MRPL13: variants seen among roughly 807,000 people sequenced by gnomAD.
MRPL13 encodes mitochondrial ribosomal protein L13, also known as large ribosomal subunit protein uL13m.
MRPL13 carries 33 observed loss-of-function variants against 29.0 expected under a neutral mutation model. The ratio of observed to expected loss-of-function variants is 1.14; its 90% CI spans 0.86 to 1.52. The LOEUF (loss-of-function observed/expected upper bound fraction) is 1.52. Among genes scored for constraint, MRPL13 ranks in the 40% most tolerant of loss-of-function variants. The pLI is 0.00. For missense variants in MRPL13, 227 were observed against 216.7 expected (o/e 1.05, Z -0.30); for synonymous variants, 77 against 68.4 (o/e 1.13, Z -0.62).
chr8:120,406,032 TA>T (rs1460632520), intron 6 of MRPL13, among the ~76,000 whole-genome samples: 1 of 152,180 alleles, frequency 6.6e-6, no homozygotes, highest in African/African-American at 2.4e-5. Flanking sequence ...TATGTAGTTT[TA>T]AAATGTGCGT....
chr8:120,403,148 G>A (rs1176699108), intron 6 of MRPL13, among the ~76,000 whole-genome samples: 1 of 152,124 alleles, frequency 6.6e-6, no homozygotes, highest in Non-Finnish European at 1.5e-5. Context: ...CCATTTCTGG[G>A]TATATACCCA....
rs1019410680 is a variant in MRPL13 at position 120,443,139 on chromosome 8, G to T, written c.151+46C>A. 2.1e-6 allele frequency: 3 copies of T among 1,427,480 alleles called. No individual in the cohort carries two copies. The African/African-American group carries it at 4.4e-5, about 21-fold the overall frequency. The allele number at this position is 1,427,480 out of a possible 1,614,324, so 88.4% of individuals were successfully genotyped here. On this transcript the variant is annotated intron_variant, in intron 2 of 6. Coordinates refer to ENST00000306185, the MANE Select transcript of MRPL13 (RefSeq NM_014078.6). ...TAAACTTCATCAAGATTCTATTCTGGCATGAAAACTACAGTGGTTAATGAC... is the reference window on the plus strand; with the variant it reads ...TAAACTTCATCAAGATTCTATTCTGTCATGAAAACTACAGTGGTTAATGAC...
intron 6 of MRPL13, among the ~76,000 whole-genome samples, chr8:120,409,900 A>G (rs1812722007): frequency 6.6e-6 from 1 of 152,186 alleles, no homozygotes; most frequent in South Asian, 2.1e-4. Context: ...AACTAGCAAA[A>G]GAAAACCTAA....
intron 3 of MRPL13, among the ~76,000 whole-genome samples, chr8:120,429,493 TA>T (rs940541700): frequency 6.7e-4 from 87 of 129,224 alleles, no homozygotes; most frequent in African/African-American, 5.4e-4. Flanking sequence ...ACTTAAAAGT[TA>T]AAAAAAAAAA....
At position 120,443,285 on chromosome 8, in the gene MRPL13, T is replaced by C. The variant is rs758975894; in HGVS notation, c.51A>G (p.Ile17Met). The C allele has an allele frequency of 6.3e-7, 1 of 1,580,874 alleles. No individual in the cohort carries two copies. Among genetic ancestry groups the C allele is most frequent in the South Asian group, 1.2e-5 (1 of 86,240 alleles). ...APQQWATFAR[I>M]WYLLDGKMQP... ...GCATTTTCCCATCTAAGAGATACCATATTCTAGCAAAAGTGGCCCATTGCT... is the reference window on the plus strand; with the variant it reads ...GCATTTTCCCATCTAAGAGATACCACATTCTAGCAAAAGTGGCCCATTGCT... Residue 17 changes from isoleucine to methionine, a missense_variant, in exon 2 of 7, where the codon ATA becomes ATG. Transcript: ENST00000306185.
At chr8:120,416,485 C>T (rs1046647051) in intron 5 of MRPL13, among the ~76,000 whole-genome samples, 1 of 152,060 alleles carries the variant, frequency 6.6e-6, no homozygotes, top group Non-Finnish European at 1.5e-5. Context: ...CAGAGCGAGA[C>T]TCCGTCTCAA....
chr8:120,410,617 C>T (rs945381030), intron 6 of MRPL13, among the ~76,000 whole-genome samples: 3 of 152,126 alleles, frequency 2.0e-5, no homozygotes, highest in Admixed American at 6.5e-5. Context: ...TTCACTAACA[C>T]GTAATTTTAT....
intron 3 of MRPL13, 121 bp from the exon 4 acceptor site, chr8:120,425,487 T>C (rs1242781804): frequency 6.2e-6 from 4 of 643,110 alleles, no homozygotes; most frequent in Non-Finnish European, 1.0e-5. Flanking sequence ...TTTTCATTAG[T>C]GTTTTCAAAA....
chr8:120,432,825 T>C (rs1333513131), intron 2 of MRPL13, among the ~76,000 whole-genome samples: 1 of 152,068 alleles, frequency 6.6e-6, no homozygotes, highest in Non-Finnish European at 1.5e-5. Context: ...AAAGTTAACA[T>C]GTACATTTTC....
chr8:120,421,045 T>C (rs958871853), intron 4 of MRPL13, among the ~76,000 whole-genome samples: 1 of 151,660 alleles, frequency 6.6e-6, no homozygotes, highest in Non-Finnish European at 1.5e-5. Context: ...ATTCTAGCTG[T>C]ACAGACATTA....
At chr8:120,421,686 A>G (rs1274628970) in intron 4 of MRPL13, among the ~76,000 whole-genome samples, 1 of 151,904 alleles carries the variant, frequency 6.6e-6, no homozygotes, top group African/African-American at 2.4e-5. Context: ...ACTCTGAAAT[A>G]TTTCCTAAGC....
intron 6 of MRPL13, among the ~76,000 whole-genome samples, chr8:120,402,635 TAAATTGAC>T (rs1362606502): frequency 6.6e-6 from 1 of 152,040 alleles, no homozygotes; most frequent in Non-Finnish European, 1.5e-5. Context: ...AACAAAAGCA[TAAATTGAC>T]AAATGGGATC....
chr8:120,442,215 G>A (rs1813132470), intron 2 of MRPL13, among the ~76,000 whole-genome samples: 1 of 152,186 alleles, frequency 6.6e-6, no homozygotes, highest in African/African-American at 2.4e-5. Flanking sequence ...CATATCAAGT[G>A]TTATTGAAGA....
chr8:120,403,505 G>C (rs1563770491), intron 6 of MRPL13, among the ~76,000 whole-genome samples: 1 of 152,080 alleles, frequency 6.6e-6, no homozygotes, highest in African/African-American at 2.4e-5. Context: ...GGTTGGGGGA[G>C]GGAGACCGTC....
intron 1 of MRPL13, among the ~76,000 whole-genome samples, chr8:120,444,446 T>G (rs74359023): frequency 0.014 from 2,075 of 152,260 alleles, 41 homozygotes; most frequent in African/African-American, 0.046. Context: ...TAATCCTTGT[T>G]TCTTCTTTTG....
At chr8:120,423,447 G>A (rs982785065) in intron 4 of MRPL13, among the ~76,000 whole-genome samples, 1 of 151,800 alleles carries the variant, frequency 6.6e-6, no homozygotes, top group African/African-American at 2.4e-5. Flanking sequence ...AGGAAGATAT[G>A]AAAACCAAAG....
At chr8:120,404,604 T>A (rs1812643618) in intron 6 of MRPL13, among the ~76,000 whole-genome samples, 1 of 152,244 alleles carries the variant, frequency 6.6e-6, no homozygotes, top group African/African-American at 2.4e-5. Context: ...AATGTTTCTC[T>A]AATCATACTG....
At chr8:120,425,812 C>T (rs185431164) in intron 3 of MRPL13, among the ~76,000 whole-genome samples, 88 of 152,232 alleles carry the variant, frequency 5.8e-4, no homozygotes, top group African/African-American at 2.0e-3. Context: ...AGCCAGTAAT[C>T]ATGTTTCTTC....
At chr8:120,440,718 A>T (rs1328675269) in intron 2 of MRPL13, among the ~76,000 whole-genome samples, 1 of 151,416 alleles carries the variant, frequency 6.6e-6, no homozygotes, top group African/African-American at 2.4e-5. Flanking sequence ...AAATAAATAA[A>T]ATAATAATAA....
Sources: gnomAD v4.1 joint callset for allele counts (sites outside exome capture counted in the v4.1 genomes callset) on GRCh38, gnomAD v4.1.1 for gene constraint, MANE v1.5 for transcripts, NCBI Gene and HGNC (gene_info 2026-07-23, HGNC 2026-07-21) for gene names.